The following MYO16 variants were observed in gnomAD, a reference collection of about 807,000 sequenced individuals.
MYO16 encodes myosin XVI.
A neutral mutation model predicts 205.3 loss-of-function variants in MYO16; 94 were observed. The observed-to-expected ratio is 0.46, with a 90% CI of 0.39 to 0.54. The LOEUF (loss-of-function observed/expected upper bound fraction) is 0.54, where lower values mean the gene tolerates loss of function less well. MYO16 is among the 20% of genes least tolerant of loss of function. The pLI is 0.00. For missense variants in MYO16, 2,315 were observed against 2,387.5 expected (o/e 0.97, Z 0.63); for synonymous variants, 988 against 954.0 (o/e 1.04, Z -0.66).
chr13:109,052,728 A>T (rs1417366601), intron 25 of MYO16, among the ~76,000 whole-genome samples: 1 of 152,038 alleles, frequency 6.6e-6, no homozygotes, highest in African/African-American at 2.4e-5. Flanking sequence ...GCAACATCCC[A>T]GTTCTGTTTC....
intron 2 of MYO16, among the ~76,000 whole-genome samples, chr13:108,675,551 G>A (rs1203788005): frequency 6.6e-6 from 1 of 152,002 alleles, no homozygotes; most frequent in Non-Finnish European, 1.5e-5. Context: ...GGTGTTGTGA[G>A]AATAATTGAA....
chr13:108,725,681 C>T (rs866776846), intron 3 of MYO16, among the ~76,000 whole-genome samples: 37 of 152,112 alleles, frequency 2.4e-4, no homozygotes, highest in Non-Finnish European at 7.4e-5. Context: ...GGGCAGTTTC[C>T]TAGAGTGCAA....
At position 108,871,356 on chromosome 13, in the gene MYO16, G is replaced by C. The variant is rs1047350325; in HGVS notation, c.1425+5114G>C. 1.3e-3 allele frequency among the ~76,000 whole-genome samples: 161 copies of C among 127,754 alleles called. 2 individuals carry two copies. Among genetic ancestry groups the C allele is most frequent in the South Asian group, 4.9e-3 (17 of 3,464 alleles). 83.8% of individuals were successfully genotyped at this position (127,754 alleles called of 152,430 possible). A position where few individuals can be genotyped will look rare whatever the true frequency, so the allele number is the denominator to read the frequency against. Reference sequence around the variant, plus strand: ...TGTGTGTGTGTGTGTGTGTGTGTGTGTGTGTGTCTGTGTGTTGGTTTTACA... The same window carrying C: ...TGTGTGTGTGTGTGTGTGTGTGTGTCTGTGTGTCTGTGTGTTGGTTTTACA... On this transcript the variant is annotated intron_variant, in intron 12 of 34. Transcript: ENST00000457511.
intron 11 of MYO16, among the ~76,000 whole-genome samples, chr13:108,859,546 CCTT>C (rs1878355548): frequency 6.6e-6 from 1 of 152,098 alleles, no homozygotes; most frequent in Admixed American, 6.6e-5. Flanking sequence ...AAGTATATAA[CCTT>C]CTATTTGGAC....
the MYO16 span, among the ~76,000 whole-genome samples, chr13:108,589,099 C>T: frequency 0.027 from 4,081 of 152,216 alleles, 171 homozygotes; most frequent in African/African-American, 0.091. Context: ...AGTGGTGAGG[C>T]GGACTAAATT....
intron 1 of MYO16, among the ~76,000 whole-genome samples, chr13:108,611,093 T>A (rs1251499495): frequency 6.6e-6 from 1 of 152,210 alleles, no homozygotes; most frequent in Non-Finnish European, 1.5e-5. Context: ...TGATGTGTAT[T>A]CTGCCTAAAT....
chr13:108,592,818 C>A (rs1878440796), upstream of MYO16, among the ~76,000 whole-genome samples: 1 of 151,550 alleles, frequency 6.6e-6, no homozygotes, highest in Non-Finnish European at 1.5e-5. Context: ...CAGGGCCATT[C>A]TCAACAGTAC....
chr13:109,024,407 A>G (rs1456544381), intron 23 of MYO16, among the ~76,000 whole-genome samples: 1 of 152,102 alleles, frequency 6.6e-6, no homozygotes, highest in Admixed American at 6.6e-5. Context: ...ATGTTCAATA[A>G]ATGCTAATTG....
intron 27 of MYO16, among the ~76,000 whole-genome samples, chr13:109,058,840 G>A (rs1311317537): frequency 1.3e-5 from 2 of 152,086 alleles, no homozygotes; most frequent in African/African-American, 4.8e-5. Flanking sequence ...TTCAAAATTC[G>A]AGTCAATCTT....
chr13:108,706,829 G>A (rs753560823), intron 2 of MYO16, among the ~76,000 whole-genome samples: 2 of 152,152 alleles, frequency 1.3e-5, no homozygotes, highest in Non-Finnish European at 2.9e-5. Context: ...AAAGAAGTCT[G>A]AAAGCCATGG....
intron 3 of MYO16, among the ~76,000 whole-genome samples, chr13:108,724,717 G>A (rs12431087): frequency 0.24 from 36,526 of 151,862 alleles, 5,361 homozygotes; most frequent in African/African-American, 0.42. Flanking sequence ...CCTTGTTTCA[G>A]GTGGCATCCT....
intron 23 of MYO16, among the ~76,000 whole-genome samples, chr13:109,036,594 C>T (rs1048021639): frequency 5.3e-5 from 8 of 152,106 alleles, no homozygotes; most frequent in African/African-American, 1.2e-4. Context: ...CGCTAACTGC[C>T]GCAGCATAAG....
At chr13:108,997,569 T>G (rs1885071955) in intron 21 of MYO16, among the ~76,000 whole-genome samples, 1 of 152,018 alleles carries the variant, frequency 6.6e-6, no homozygotes. Flanking sequence ...CCGGGCCCAG[T>G]GGCTCACACC....
intron 4 of MYO16, among the ~76,000 whole-genome samples, chr13:108,761,185 C>G (rs1885596831): frequency 6.6e-6 from 1 of 152,168 alleles, no homozygotes; most frequent in African/African-American, 2.4e-5. Flanking sequence ...CCTTTACAGA[C>G]TGTGCCTAGA....
chr13:108,516,336 G>C, the MYO16 span, among the ~76,000 whole-genome samples: 2 of 151,652 alleles, frequency 1.3e-5, no homozygotes, highest in African/African-American at 4.8e-5. Flanking sequence ...GCTTCGGCTC[G>C]CGCACGGTGC....
At chr13:108,765,623 C>A (rs1347195547) in intron 4 of MYO16, among the ~76,000 whole-genome samples, 1 of 152,138 alleles carries the variant, frequency 6.6e-6, no homozygotes, top group Non-Finnish European at 1.5e-5. Context: ...TGGCTCTGTT[C>A]ACACATCTCA....
intron 21 of MYO16, among the ~76,000 whole-genome samples, chr13:109,000,668 C>G (rs1450216194): frequency 6.6e-6 from 1 of 152,012 alleles, no homozygotes; most frequent in Non-Finnish European, 1.5e-5. Context: ...GACTGAAGCT[C>G]TAAAATAAGA....
chr13:108,673,657 G>A (rs180986324), intron 2 of MYO16, among the ~76,000 whole-genome samples: 1 of 152,084 alleles, frequency 6.6e-6, no homozygotes, highest in East Asian at 1.9e-4. Context: ...CTCAGACTCT[G>A]ATTCTAACTC....
the MYO16 span, among the ~76,000 whole-genome samples, chr13:108,550,222 C>A: frequency 6.6e-6 from 1 of 152,276 alleles, no homozygotes; most frequent in Non-Finnish European, 1.5e-5. Flanking sequence ...GGTGCTACTG[C>A]CATGGCGTCA....
Sources: gnomAD v4.1 joint callset for allele counts (sites outside exome capture counted in the v4.1 genomes callset) on GRCh38, gnomAD v4.1.1 for gene constraint, MANE v1.5 for transcripts, NCBI Gene and HGNC (gene_info 2026-07-23, HGNC 2026-07-21) for gene names.